Variants in ZC3H12B observed in about 807,000 individuals in gnomAD.
The protein encoded by ZC3H12B is zinc finger CCCH-type containing 12B, also known as probable ribonuclease ZC3H12B.
Under a neutral mutation model 43.9 loss-of-function variants are expected in ZC3H12B, and 7 were observed. That is an observed-to-expected ratio of 0.16 (90% confidence interval 0.09 to 0.30). ZC3H12B has a LOEUF of 0.30. Among genes scored for constraint, ZC3H12B ranks in the 10% least tolerant of loss-of-function variants. The pLI is 1.00. For synonymous variants in ZC3H12B, 222 were observed against 241.7 expected, an observed-to-expected ratio of 0.92 and a Z score of 0.76; for missense variants, 475 against 670.2, an observed-to-expected ratio of 0.71 and a Z score of 3.22.
the ZC3H12B span, among the ~76,000 whole-genome samples, chrX:65,161,540 C>A: frequency 9.0e-6 from 1 of 111,518 alleles, no homozygotes; most frequent in East Asian, 2.8e-4. Flanking sequence ...CTCTTTTGAT[C>A]TTTGTTGGTT....
chrX:65,388,865 C>A (rs1216579416), intron 2 of ZC3H12B, among the ~76,000 whole-genome samples: 1 of 111,918 alleles, frequency 8.9e-6, no homozygotes, highest in Non-Finnish European at 1.9e-5. Context: ...CAGACAGGAC[C>A]CTCAGCTGCA....
At chrX:65,273,887 C>T in the ZC3H12B span, among the ~76,000 whole-genome samples, 3 of 112,531 alleles carry the variant, frequency 2.7e-5, no homozygotes, top group Admixed American at 2.8e-4. Context: ...GTAACATCTT[C>T]AAGATGGCTG....
chrX:65,158,119 T>C, the ZC3H12B span, among the ~76,000 whole-genome samples: 1 of 108,813 alleles, frequency 9.2e-6, no homozygotes, highest in Non-Finnish European at 1.9e-5. Flanking sequence ...TTTTTATGGC[T>C]GCATAGTATT....
At chrX:65,296,406 A>G in the ZC3H12B span, among the ~76,000 whole-genome samples, 1 of 110,876 alleles carries the variant, frequency 9.0e-6, no homozygotes, top group Non-Finnish European at 1.9e-5. Flanking sequence ...TACAGTATAC[A>G]CTGCTCAGGT....
At chrX:65,301,201 T>C in the ZC3H12B span, among the ~76,000 whole-genome samples, 1 of 111,240 alleles carries the variant, frequency 9.0e-6, no homozygotes. Flanking sequence ...TTGGTGTGGA[T>C]GTGGTGAAAA....
chrX:65,226,229 T>A, the ZC3H12B span, among the ~76,000 whole-genome samples: 3 of 111,391 alleles, frequency 2.7e-5, no homozygotes, highest in Non-Finnish European at 5.7e-5. Context: ...TTCAACATTC[T>A]TAAAAGAATT....
At chrX:65,164,652 A>G in the ZC3H12B span, among the ~76,000 whole-genome samples, 2 of 112,114 alleles carry the variant, frequency 1.8e-5, no homozygotes, top group Non-Finnish European at 3.8e-5. Context: ...GACCGCTTAT[A>G]AGGTTAGAAG....
chrX:65,124,568 TC>T, the ZC3H12B span, among the ~76,000 whole-genome samples: 2 of 111,119 alleles, frequency 1.8e-5, no homozygotes, highest in African/African-American at 3.3e-5. Context: ...TGTTATCAGT[TC>T]TCCATTGAAT....
At chrX:65,039,038 A>G in the ZC3H12B span, among the ~76,000 whole-genome samples, 2 of 110,982 alleles carry the variant, frequency 1.8e-5, no homozygotes, top group Non-Finnish European at 3.8e-5. Flanking sequence ...AAAGATACCT[A>G]TAGCCAATTC....
chrX:65,232,992 G>C, the ZC3H12B span, among the ~76,000 whole-genome samples: 1 of 111,911 alleles, frequency 8.9e-6, no homozygotes, highest in Non-Finnish European at 1.9e-5. Flanking sequence ...TATTAAAAAA[G>C]ACAAGGATGT....
the ZC3H12B span, among the ~76,000 whole-genome samples, chrX:65,333,024 G>T: frequency 9.0e-6 from 1 of 111,288 alleles, no homozygotes; most frequent in East Asian, 2.8e-4. Context: ...TTTTTAAAAA[G>T]CTGAACCCAG....
exon 5 of ZC3H12B, chrX:65,506,068 T>A (rs1317458837): frequency 8.9e-6 from 1 of 112,403 alleles, no homozygotes; most frequent in Non-Finnish European, 1.9e-5. Context: ...TGTGGCACTG[T>A]GTGTCACAGG....
chrX:65,432,623 C>T (rs1444601409), intron 3 of ZC3H12B, among the ~76,000 whole-genome samples: 2 of 111,865 alleles, frequency 1.8e-5, no homozygotes. Flanking sequence ...AATAAGACAA[C>T]CAAATTTGGA....
the ZC3H12B span, among the ~76,000 whole-genome samples, chrX:65,189,893 A>T: frequency 9.2e-6 from 1 of 108,493 alleles, no homozygotes; most frequent in African/African-American, 3.6e-5. Flanking sequence ...CCTGAATGGT[A>T]ATGCCTAGAT....
chrX:65,139,477 G>C, the ZC3H12B span, among the ~76,000 whole-genome samples: 1 of 111,541 alleles, frequency 9.0e-6, no homozygotes, highest in Non-Finnish European at 1.9e-5. Context: ...ATGCTGTTTT[G>C]TTGCTATAGC....
chrX:65,076,151 CTTCT>C, the ZC3H12B span, among the ~76,000 whole-genome samples: 1 of 109,945 alleles, frequency 9.1e-6, no homozygotes, highest in East Asian at 2.8e-4. Context: ...TTCTTCTTCT[CTTCT>C]TTCTTTTTTT....
the ZC3H12B span, among the ~76,000 whole-genome samples, chrX:65,129,290 A>G: frequency 8.0e-5 from 8 of 99,509 alleles, no homozygotes; most frequent in Non-Finnish European, 1.3e-4. Context: ...TACACACACT[A>G]GAATATATAT....
the ZC3H12B span, among the ~76,000 whole-genome samples, chrX:65,173,568 C>T: frequency 1.8e-5 from 2 of 111,736 alleles, no homozygotes; most frequent in African/African-American, 6.5e-5. Context: ...TTGTCATAAA[C>T]AGCTCTTATT....
At chrX:65,277,431 A>G in the ZC3H12B span, among the ~76,000 whole-genome samples, 1 of 112,013 alleles carries the variant, frequency 8.9e-6, no homozygotes, top group Non-Finnish European at 1.9e-5. Context: ...TTAATCAGCA[A>G]ATGGAACAAT....
Sources: allele counts gnomAD v4.1 joint callset (sites outside exome capture counted in the v4.1 genomes callset), GRCh38; gene constraint gnomAD v4.1.1; transcripts MANE v1.5; gene names NCBI Gene and HGNC (gene_info 2026-07-23, HGNC 2026-07-21).